CPT1B: variants seen among roughly 807,000 people sequenced by gnomAD.
CPT1B encodes the protein carnitine palmitoyltransferase 1B.
Under a neutral mutation model 92.7 loss-of-function variants are expected in CPT1B, and 57 were observed. That is an observed-to-expected ratio of 0.62 (90% confidence interval 0.50 to 0.77). CPT1B has a LOEUF of 0.77. Ranked by LOEUF, CPT1B falls within the 30% of genes least tolerant of loss-of-function variation. The probability of loss-of-function intolerance (pLI) is 0.00; values close to 1 mark genes in which losing one functional copy is unlikely to be tolerated. For missense variants in CPT1B, 983 were observed against 1,017.4 expected (o/e 0.97, Z 0.46); for synonymous variants, 398 against 383.5 (o/e 1.04, Z -0.44).
chr22:50,570,742 TG>T, intron 16 of CPT1B, 148 bp downstream of exon 16: 1 of 1,006,850 alleles, frequency 9.9e-7, no homozygotes, highest in Non-Finnish European at 1.5e-6. Context: ...CAGGCCCAGG[TG>T]GGGTGTGGGC....
chr22:50,569,303 T>A (rs1400752150), intron 19 of CPT1B, 33 bp downstream of exon 19: 1 of 1,606,280 alleles, frequency 6.2e-7, no homozygotes, highest in Non-Finnish European at 8.5e-7. Context: ...CTCCACAGTG[T>A]GGGGACGAAA....
rs1569038172 is a variant in CPT1B, at chr22:50,569,589, G to A, written c.2222C>T (p.Ser741Leu). The change falls in exon 18 of 20, where the codon TCA becomes TTA. Residue 741 changes from serine to leucine, a missense_variant. Physicochemically the swap from Ser to Leu is moderately radical, Grantham distance 145. Coordinates refer to ENST00000312108, the MANE Select transcript of CPT1B (RefSeq NM_152246.3). ...TIFFHISSKFSSSETNAQRFG... is the reference protein window; with the variant it reads ...TIFFHISSKFLSSETNAQRFG... Reference sequence around the variant, plus strand: ...CAGGAGACTCACCGTCTCTGAGCTTGAGAACTTGCTGGAGATGTGGAAGAA... The same window carrying A: ...CAGGAGACTCACCGTCTCTGAGCTTAAGAACTTGCTGGAGATGTGGAAGAA... 6.2e-7 allele frequency: 1 copy of A among 1,614,020 alleles called. No homozygotes were observed. Among genetic ancestry groups the A allele is most frequent in the Non-Finnish European group, 8.5e-7 (1 of 1,179,978 alleles).
At position 50,576,871 on chromosome 22, in the gene CPT1B, T is replaced by G; in HGVS notation, c.445A>C (p.Thr149Pro). 2 of 1,613,896 alleles carry G rather than the reference T, an allele frequency of 1.2e-6. No individual in the cohort carries two copies. Among genetic ancestry groups the G allele is most frequent in the Non-Finnish European group, 1.7e-6 (2 of 1,180,002 alleles). ...CTGCTGCTCACAGCCCAGATCCTGG[T>G]CAAGTTGCTGGTCTTGCCATGCATC... ...FEMHGKTSNL[T>P]RIWAMCIRLL... The change falls in exon 4 of 20, where the codon ACC becomes CCC. Residue 149 changes from threonine (T) to proline (P), a missense_variant. By Grantham distance (38) the Thr-to-Pro change is conservative (BLOSUM62 -1). Coordinates refer to ENST00000312108, the MANE Select transcript of CPT1B (RefSeq NM_152246.3).
chr22:50,577,503 G>T, intron 2 of CPT1B, 40 bp from the exon 3 acceptor site: 1 of 1,609,180 alleles, frequency 6.2e-7, no homozygotes, highest in Non-Finnish European at 8.5e-7. Flanking sequence ...GCCGGAAGGC[G>T]GGAGGTTAGC....
chr22:50,573,573 G>T lies in CPT1B; in HGVS notation c.1113C>A (p.Pro371=). ...EMQFQRILDD[P]SPPQPGEEKL... is the part of the protein sequence containing the mutation. ...TCTCCTCCCCAGGCTGAGGTGGGGAGGGGTCGTCCAGGATCCTCTGGAACT... is the reference window on the plus strand; with the variant it reads ...TCTCCTCCCCAGGCTGAGGTGGGGATGGGTCGTCCAGGATCCTCTGGAACT... Residue 371 remains proline, a synonymous_variant, in exon 10 of 20, where the codon CCC becomes CCA. Transcript: ENST00000312108. The surrounding 1 kb of genome is among the most constrained non-coding windows in gnomAD (Gnocchi z 5.0). 1 of 1,613,584 alleles carries T rather than the reference G, an allele frequency of 6.2e-7. No homozygotes were observed. The highest frequency in any genetic ancestry group is 1.1e-5 in the South Asian group (1 of 91,072).
Position 50,573,578 on chromosome 22 carries a change from C to T in CPT1B, c.1108G>A (p.Asp370Asn), listed in dbSNP as rs774955656. The T allele has an allele frequency of 9.3e-6, 15 of 1,613,476 alleles. No homozygotes were observed. The highest frequency in any genetic ancestry group is 2.7e-5 in the African/African-American group (2 of 74,914). The change falls in exon 10 of 20, where the codon GAC becomes AAC. Residue 370 changes from aspartate to asparagine, a missense_variant. Asp to Asn is a conservative substitution (Grantham distance 23). Coordinates refer to ENST00000312108, the MANE Select transcript of CPT1B (RefSeq NM_152246.3). This position sits in a 1 kb window ranked among gnomAD's most constrained non-coding sequence, Gnocchi z 5.0. The stretch of plus-strand genomic sequence containing the variant: ...TCCCCAGGCTGAGGTGGGGAGGGGT[C>T]GTCCAGGATCCTCTGGAACTGCATC... ...LEMQFQRILD[D>N]PSPPQPGEEK...
rs1465951376 is a variant in CPT1B at position 50,577,431 on chromosome 22, G to A, written c.174C>T (p.Ser58=). The A allele has an allele frequency of 6.2e-7, 1 of 1,613,724 alleles. No individual in the cohort carries two copies. Among genetic ancestry groups the A allele is most frequent in the Admixed American group, 1.7e-5 (1 of 60,002 alleles). ...TGATGACGACCAGCCAGCTGGTGGGGCTGCCAGGGTACACGCCCCTGAGGA... is the reference window on the plus strand; with the variant it reads ...TGATGACGACCAGCCAGCTGGTGGGACTGCCAGGGTACACGCCCCTGAGGA... ...NGILRGVYPG[S]PTSWLVVIMA... is the part of the protein sequence containing the mutation. The change falls in exon 3 of 20, where the codon AGC becomes AGT. Residue 58 remains serine (S), a synonymous_variant. Transcript: ENST00000312108.
intron 5 of CPT1B, 43 bp from the exon 6 acceptor site, chr22:50,576,378 G>T (rs774388844): frequency 6.2e-7 from 1 of 1,613,180 alleles, no homozygotes; most frequent in African/African-American, 1.3e-5. Flanking sequence ...GATGGCAAGG[G>T]CTGCCTCTAT....
chr22:50,574,748 C>A, intron 7 of CPT1B, 148 bp from the exon 8 acceptor site: 1 of 640,796 alleles, frequency 1.6e-6, no homozygotes, highest in Non-Finnish European at 2.8e-6. Context: ...GGTGAACCTC[C>A]AGAAATGCAC....
Position 50,570,964 on chromosome 22 carries a change from C to T in CPT1B, c.1955G>A (p.Gly652Glu). 1 of 1,614,002 alleles carries T rather than the reference C, an allele frequency of 6.2e-7. No individual in the cohort carries two copies. The highest frequency in any genetic ancestry group is 1.1e-5 in the South Asian group (1 of 91,088). Reference protein sequence around the residue: ...NMYRLAMTGAGIDRHLFCLYL... With the variant: ...NMYRLAMTGAEIDRHLFCLYL... ...AAGGCAGAAGAGGTGCCTGTCGATC[C>T]CTGCCCCGGTCATGGCCAGGCGGTA... Residue 652 changes from glycine (G) to glutamate (E), a missense_variant, in exon 16 of 20, where the codon GGG (glycine) becomes GAG (glutamate). Physicochemically the swap from Gly to Glu is moderately conservative, Grantham distance 98 (BLOSUM62 -2). Coordinates refer to ENST00000312108, the MANE Select transcript of CPT1B (RefSeq NM_152246.3).
chr22:50,575,883 T>C, intron 7 of CPT1B, 152 bp downstream of exon 7: 1 of 696,408 alleles, frequency 1.4e-6, no homozygotes. Context: ...TAGGATCTCC[T>C]CTCTCTCTTC....
chr22:50,577,495 C>G, intron 2 of CPT1B, 32 bp from the exon 3 acceptor site: 1 of 1,610,990 alleles, frequency 6.2e-7, no homozygotes, highest in South Asian at 1.1e-5. Flanking sequence ...CTTATGGAGC[C>G]GGAAGGCGGG....
chr22:50,569,533 G>C (rs754127512), intron 18 of CPT1B, 43 bp downstream of exon 18: 4 of 1,608,656 alleles, frequency 2.5e-6, no homozygotes, highest in Non-Finnish European at 3.4e-6. Context: ...GCAGCCCCAG[G>C]TGGCACCCCT....
At position 50,576,211 on chromosome 22, in the gene CPT1B, C is replaced by G; in HGVS notation, c.686G>C (p.Trp229Ser). The G allele has an allele frequency of 6.2e-7, 1 of 1,614,098 alleles. No homozygotes were observed. The highest frequency in any genetic ancestry group is 8.5e-7 in the Non-Finnish European group (1 of 1,180,016). The change falls in exon 6 of 20, where the codon TGG (tryptophan) becomes TCG (serine). Residue 229 changes from tryptophan (W) to serine (S), a missense_variant. Coordinates refer to ENST00000312108, the MANE Select transcript of CPT1B (RefSeq NM_152246.3). ...LQKYLVLKSW[W>S]ASNYVSDWWE... The stretch of plus-strand genomic sequence containing the variant: ...GCAGGAACTTACATAGTTACTTGCC[C>G]ACCATGACTTGAGCACCAGGTATTT...
rs759082970 is a variant in CPT1B at position 50,572,303 on chromosome 22, A to G, written c.1358T>C (p.Phe453Ser). Residue 453 changes from phenylalanine to serine, a missense_variant, in exon 12 of 20, where the codon TTT becomes TCT. Transcript: ENST00000312108. The stretch of plus-strand genomic sequence containing the variant: ...GGAAATGAGAGTGAAGGATTTGTCA[A>G]ACCACCTGCAGGAAGAGTAGACACA... The part of the protein sequence containing the change: ...LLHGNCYNRW[F>S]DKSFTLISFK... 2 of 1,611,300 alleles carry G rather than the reference A, an allele frequency of 1.2e-6. No individual in the cohort carries two copies. Among genetic ancestry groups the G allele is most frequent in the Non-Finnish European group, 8.5e-7 (1 of 1,177,646 alleles).
chr22:50,575,688 T>A (rs2070397507), intron 7 of CPT1B, among the ~76,000 whole-genome samples: 1 of 152,168 alleles, frequency 6.6e-6, no homozygotes, highest in South Asian at 2.1e-4. Flanking sequence ...TCCCTGGTTA[T>A]GGTGTCAGGA....
Position 50,573,072 on chromosome 22 carries a change from G to T in CPT1B, c.1167-12C>A, listed in dbSNP as rs750372020. ...GCGCCCACTCCACCCTGAAGCATGG[G>T]GCAGGGTAAGCAGTGGGCACGTGGA... On this transcript the variant is annotated splice_polypyrimidine_tract_variant and intron_variant, in intron 10 of 19. Coordinates refer to ENST00000312108, the MANE Select transcript of CPT1B (RefSeq NM_152246.3). The surrounding 1 kb of genome is among the most constrained non-coding windows in gnomAD (Gnocchi z 5.0). 6.3e-7 allele frequency: 1 copy of T among 1,589,196 alleles called. No homozygotes were observed. The highest frequency in any genetic ancestry group is 1.1e-5 in the South Asian group (1 of 90,308).
chr22:50,571,458 G>A lies in CPT1B; in HGVS notation c.1657C>T (p.Pro553Ser). 1 of 1,613,818 alleles carries A rather than the reference G, an allele frequency of 6.2e-7. No homozygotes were observed. Among genetic ancestry groups the A allele is most frequent in the Non-Finnish European group, 8.5e-7 (1 of 1,180,048 alleles). The change falls in exon 14 of 20, where the codon CCC (proline) becomes TCC (serine). Residue 553 changes from proline to serine, a missense_variant. Transcript: ENST00000312108. ...TTCTTGATGAGGCCTTTGCCAAAGG[G>A]CAGGAACTGGAAGCAGTACAACTCC... ...DVELYCFQFLPFGKGLIKKCR... is the reference protein window; with the variant it reads ...DVELYCFQFLSFGKGLIKKCR...
chr22:50,571,897 T>G, intron 13 of CPT1B, 109 bp downstream of exon 13: 2 of 1,062,952 alleles, frequency 1.9e-6, no homozygotes, highest in Non-Finnish European at 2.9e-6. Flanking sequence ...TCCCGAGGGC[T>G]GGGCCAGGCA....
Sources: gnomAD v4.1 joint callset for allele counts (sites outside exome capture counted in the v4.1 genomes callset) on GRCh38, gnomAD v4.1.1 for gene constraint, Gnocchi (gnomAD v3.1) non-coding constraint, MANE v1.5 for transcripts, NCBI Gene and HGNC (gene_info 2026-07-23, HGNC 2026-07-21) for gene names.